The following EDIL3 variants were observed in gnomAD, a reference collection of about 807,000 sequenced individuals.
The protein encoded by EDIL3 is EGF-like repeat and discoidin I-like domain-containing protein 3.
In EDIL3, 37 loss-of-function variants were observed where a neutral mutation model predicts 67.4. The observed-to-expected ratio is 0.55, with a 90% CI of 0.42 to 0.72. EDIL3 has a LOEUF of 0.72. Ranked by LOEUF, EDIL3 falls within the 30% of genes least tolerant of loss-of-function variation. EDIL3 has a pLI of 0.00. For missense variants in EDIL3, 527 were observed against 586.3 expected (o/e 0.90, Z 1.04); for synonymous variants, 195 against 196.3 (o/e 0.99, Z 0.05).
intron 5 of EDIL3, among the ~76,000 whole-genome samples, chr5:84,136,688 GATTT>G (rs1480994227): frequency 1.3e-5 from 2 of 152,074 alleles, no homozygotes; most frequent in African/African-American, 2.4e-5. Flanking sequence ...GAGGCTAACT[GATTT>G]ATTTTATTTT....
intron 3 of EDIL3, among the ~76,000 whole-genome samples, chr5:84,186,948 T>C (rs1743467940): frequency 6.6e-6 from 1 of 151,960 alleles, no homozygotes; most frequent in Non-Finnish European, 1.5e-5. Flanking sequence ...GTATACAGAG[T>C]GGTGACTAGG....
chr5:83,978,971 T>G (rs1192252495), intron 9 of EDIL3, among the ~76,000 whole-genome samples: 3 of 151,996 alleles, frequency 2.0e-5, no homozygotes, highest in African/African-American at 7.2e-5. Flanking sequence ...AATGAAAATT[T>G]CCATACAACT....
intron 6 of EDIL3, among the ~76,000 whole-genome samples, chr5:84,078,317 C>A (rs1019226029): frequency 6.6e-6 from 1 of 152,034 alleles, no homozygotes; most frequent in Non-Finnish European, 1.5e-5. Context: ...TGTGAGCTCT[C>A]ACACAATAAA....
At chr5:84,138,356 G>T (rs1416891980) in intron 4 of EDIL3, among the ~76,000 whole-genome samples, 7 of 152,200 alleles carry the variant, frequency 4.6e-5, no homozygotes, top group Non-Finnish European at 1.0e-4. Context: ...CTCCACAAAT[G>T]AAGTTCCTAT....
intron 1 of EDIL3, among the ~76,000 whole-genome samples, chr5:84,301,160 C>T (rs946080294): frequency 6.6e-6 from 1 of 151,570 alleles, no homozygotes; most frequent in Non-Finnish European, 1.5e-5. Flanking sequence ...CCCGGCTACT[C>T]GGGAGGCTGA....
chr5:84,154,418 T>C (rs1487154362), intron 4 of EDIL3, among the ~76,000 whole-genome samples: 1 of 151,784 alleles, frequency 6.6e-6, no homozygotes, highest in Non-Finnish European at 1.5e-5. Context: ...TAGAATCAAG[T>C]AAAAAAAAGT....
chr5:84,251,577 C>T (rs1745026651), intron 2 of EDIL3, among the ~76,000 whole-genome samples: 1 of 152,048 alleles, frequency 6.6e-6, no homozygotes, highest in Non-Finnish European at 1.5e-5. Context: ...ATTTAGTACA[C>T]CTTTCATATG....
At chr5:84,078,077 G>A (rs1253740115) in intron 6 of EDIL3, among the ~76,000 whole-genome samples, 1 of 152,072 alleles carries the variant, frequency 6.6e-6, no homozygotes, top group African/African-American at 2.4e-5. Flanking sequence ...GCTGATGATG[G>A]GAATGTAAAC....
intron 10 of EDIL3, among the ~76,000 whole-genome samples, chr5:83,960,614 T>A (rs1464745249): frequency 6.6e-6 from 1 of 151,084 alleles, no homozygotes; most frequent in Non-Finnish European, 1.5e-5. Context: ...CTATTTTGCT[T>A]GTGTTTATGG....
At chr5:84,109,121 C>T (rs576383817) in intron 5 of EDIL3, among the ~76,000 whole-genome samples, 5 of 152,206 alleles carry the variant, frequency 3.3e-5, no homozygotes, top group African/African-American at 1.2e-4. Context: ...TACCAATGAG[C>T]GATTTTGAAA....
At chr5:84,064,438 C>T (rs2269286) in intron 8 of EDIL3, among the ~76,000 whole-genome samples, 17,243 of 152,076 alleles carry the variant, frequency 0.11, 1,491 homozygotes, top group African/African-American at 0.24. Flanking sequence ...ACAATTTTCC[C>T]GTGAGAATTC....
At chr5:84,243,940 T>G (rs1744853973) in intron 2 of EDIL3, among the ~76,000 whole-genome samples, 1 of 152,212 alleles carries the variant, frequency 6.6e-6, no homozygotes, top group Non-Finnish European at 1.5e-5. Flanking sequence ...GCATATGGAT[T>G]ATGGAATTTT....
chr5:84,060,267 A>G (rs767749079), intron 9 of EDIL3, 33 bp downstream of exon 9: 3 of 1,606,560 alleles, frequency 1.9e-6, no homozygotes, highest in Non-Finnish European at 2.6e-6. Flanking sequence ...AAAGAGGAAC[A>G]GTGGGTAGTG....
chr5:84,237,580 T>A lies in EDIL3; in HGVS notation c.197-7696A>T, dbSNP rs567337891. Among the ~76,000 whole-genome samples, 25 of 152,270 alleles carry A rather than the reference T, an allele frequency of 1.6e-4. No homozygotes were observed. The East Asian group carries it at 4.6e-3, about 28-fold the overall frequency. On this transcript the variant is annotated intron_variant, in intron 2 of 10. Coordinates refer to ENST00000296591, the MANE Select transcript of EDIL3 (RefSeq NM_005711.5). ...TTGGATGAATTCCAGGACTTCTGTC[T>A]TATAAATGAGGTTTCAATGAATAAT...
intron 4 of EDIL3, among the ~76,000 whole-genome samples, chr5:84,174,157 T>C (rs796539966): frequency 5.3e-5 from 8 of 152,270 alleles, no homozygotes; most frequent in African/African-American, 1.9e-4. Context: ...GGTCAGGCTA[T>C]GGCAGAAGCT....
intron 6 of EDIL3, among the ~76,000 whole-genome samples, chr5:84,068,634 G>C (rs1217886735): frequency 6.6e-6 from 1 of 152,102 alleles, no homozygotes; most frequent in African/African-American, 2.4e-5. Context: ...TTTGGGTTGT[G>C]TCTAACTTTT....
intron 1 of EDIL3, among the ~76,000 whole-genome samples, chr5:84,283,010 A>G (rs760405631): frequency 6.6e-6 from 1 of 152,186 alleles, no homozygotes; most frequent in Non-Finnish European, 1.5e-5. Flanking sequence ...TAGGAAATAT[A>G]AAAGGGTATA....
At position 84,093,768 on chromosome 5, in the gene EDIL3, T is replaced by C. The variant is rs889143168; in HGVS notation, c.651+12881A>G. 3.6e-4 allele frequency among the ~76,000 whole-genome samples: 54 copies of C among 150,694 alleles called. 1 individual carries two copies. Among genetic ancestry groups the C allele is most frequent in the South Asian group, 2.6e-3 (12 of 4,696 alleles). On this transcript the variant is annotated intron_variant, in intron 6 of 10. Coordinates refer to ENST00000296591, the MANE Select transcript of EDIL3 (RefSeq NM_005711.5). ...TCTGTACCCCAGATTCAAGTGATTC[T>C]CCTGCCTCAGCCTCCCAAGTAGCTG...
chr5:84,031,156 C>T (rs1459053263), intron 9 of EDIL3, among the ~76,000 whole-genome samples: 1 of 152,070 alleles, frequency 6.6e-6, no homozygotes, highest in East Asian at 1.9e-4. Flanking sequence ...ACCCCAATTA[C>T]CTATTTAAAG....
Sources: allele counts gnomAD v4.1 joint callset (sites outside exome capture counted in the v4.1 genomes callset), GRCh38; gene constraint gnomAD v4.1.1; transcripts MANE v1.5; gene names NCBI Gene and HGNC (gene_info 2026-07-23, HGNC 2026-07-21).